IRAK1BP1: variants seen among roughly 807,000 people sequenced by gnomAD.
The protein encoded by IRAK1BP1 is interleukin 1 receptor associated kinase 1 binding protein 1.
In IRAK1BP1, 24 loss-of-function variants were observed where a neutral mutation model predicts 28.0. The observed-to-expected ratio is 0.86, with a 90% CI of 0.62 to 1.20. IRAK1BP1 has a LOEUF of 1.20. Among genes scored for constraint, IRAK1BP1 ranks in the 50% most tolerant of loss-of-function variants. IRAK1BP1 has a pLI of 0.00. For missense variants in IRAK1BP1, 336 were observed against 316.7 expected (o/e 1.06, Z -0.46); for synonymous variants, 131 against 116.3 (o/e 1.13, Z -0.81).
At chr6:78,960,649 A>G in the IRAK1BP1 span, among the ~76,000 whole-genome samples, 1 of 152,036 alleles carries the variant, frequency 6.6e-6, no homozygotes, top group Admixed American at 6.6e-5. Flanking sequence ...AAAGTCTAAT[A>G]TATTAGTTTT....
At chr6:78,948,364 T>C (rs972209358), downstream of IRAK1BP1, among the ~76,000 whole-genome samples, 9 of 151,988 alleles carry the variant, frequency 5.9e-5, no homozygotes, top group African/African-American at 2.2e-4. Context: ...GAGTATAAAA[T>C]TAGGTAACAG....
At chr6:78,948,885 T>TA (rs1190197833), downstream of IRAK1BP1, among the ~76,000 whole-genome samples, 1 of 152,244 alleles carries the variant, frequency 6.6e-6, no homozygotes, top group Non-Finnish European at 1.5e-5. Context: ...TATGATCAAA[T>TA]ACGTCTGACC....
intron 4 of IRAK1BP1, chr6:78,940,629 A>T (rs1245641691): frequency 6.8e-5 from 52 of 761,764 alleles, no homozygotes; most frequent in Non-Finnish European, 9.4e-5. Flanking sequence ...CAGAAGCCTT[A>T]GTTCTACTTA....
intron 4 of IRAK1BP1, among the ~76,000 whole-genome samples, chr6:78,928,991 G>A (rs567943869): frequency 6.6e-6 from 1 of 152,072 alleles, no homozygotes; most frequent in Non-Finnish European, 1.5e-5. Flanking sequence ...ATGTGTTTTT[G>A]TCTGGTTTTG....
chr6:78,975,117 A>G, the IRAK1BP1 span, among the ~76,000 whole-genome samples: 3 of 151,870 alleles, frequency 2.0e-5, no homozygotes, highest in Admixed American at 2.0e-4. Flanking sequence ...TGATGCAAAA[A>G]TCCTCAATAA....
At chr6:78,911,309 C>T (rs1772412529) in intron 4 of IRAK1BP1, among the ~76,000 whole-genome samples, 1 of 152,122 alleles carries the variant, frequency 6.6e-6, no homozygotes, top group African/African-American at 2.4e-5. Context: ...TTTGGTGTCT[C>T]CTGATGGTCA....
Position 78,918,364 on chromosome 6 carries a change from C to T in IRAK1BP1, c.*67+15254C>T, listed in dbSNP as rs570381951. On this transcript the variant is annotated intron_variant and NMD_transcript_variant, in intron 4 of 4. Transcript: ENST00000606868. ...CACGTATCAATATTAACCCTGAATGCAAATGGTCTAAATGCCCCACTTAAG... is the reference window on the plus strand; with the variant it reads ...CACGTATCAATATTAACCCTGAATGTAAATGGTCTAAATGCCCCACTTAAG... Among the ~76,000 whole-genome samples, 5 of 151,900 alleles carry T rather than the reference C, an allele frequency of 3.3e-5. No homozygotes were observed. The East Asian group carries it at 9.7e-4, about 29-fold the overall frequency.
chr6:78,892,080 G>A (rs1189299172), intron 2 of IRAK1BP1, among the ~76,000 whole-genome samples: 2 of 152,116 alleles, frequency 1.3e-5, no homozygotes, highest in Non-Finnish European at 2.9e-5. Flanking sequence ...GTGTACCTCT[G>A]TAAGAAGAAA....
chr6:78,908,444 A>T (rs548741455), intron 4 of IRAK1BP1, among the ~76,000 whole-genome samples: 11 of 152,202 alleles, frequency 7.2e-5, no homozygotes, highest in African/African-American at 2.4e-4. Flanking sequence ...TGAACACCAG[A>T]CTCAAGTGAT....
At chr6:78,928,920 C>T (rs549958430) in intron 4 of IRAK1BP1, among the ~76,000 whole-genome samples, 1 of 152,114 alleles carries the variant, frequency 6.6e-6, no homozygotes, top group South Asian at 2.1e-4. Context: ...TGCAAGTATT[C>T]GTTGAGGATT....
chr6:78,888,236 T>G (rs1771499553), intron 2 of IRAK1BP1, among the ~76,000 whole-genome samples: 1 of 152,154 alleles, frequency 6.6e-6, no homozygotes, highest in Non-Finnish European at 1.5e-5. Flanking sequence ...GGTATAAAGT[T>G]ACAGTTATGC....
chr6:78,972,647 G>A, the IRAK1BP1 span, among the ~76,000 whole-genome samples: 1 of 152,158 alleles, frequency 6.6e-6, no homozygotes, highest in Non-Finnish European at 1.5e-5. Flanking sequence ...TTAGAAGAAT[G>A]TGTAACTAGA....
chr6:78,893,316 A>ATATATATATATATATATT (rs1771744272), intron 2 of IRAK1BP1, among the ~76,000 whole-genome samples: 2 of 34,590 alleles, frequency 5.8e-5, no homozygotes, highest in Non-Finnish European at 1.2e-4. Flanking sequence ...GTGTGTGTGT[A>ATATATATATATATATATT]TATATATATA....
intron 4 of IRAK1BP1, chr6:78,941,168 T>C: frequency 6.2e-7 from 1 of 1,614,128 alleles, no homozygotes; most frequent in Non-Finnish European, 8.5e-7. Context: ...CTGTAGCTTT[T>C]TGGGCTTTCT....
the IRAK1BP1 span, among the ~76,000 whole-genome samples, chr6:78,968,438 TATTAGTGGG>T: frequency 1.3e-5 from 2 of 152,080 alleles, no homozygotes; most frequent in Non-Finnish European, 2.9e-5. Context: ...GAAAATACAG[TATTAGTGGG>T]ATGTGAAATC....
At chr6:78,868,226 T>G (rs552183040) in intron 1 of IRAK1BP1, among the ~76,000 whole-genome samples, 1 of 152,378 alleles carries the variant, frequency 6.6e-6, no homozygotes, top group Non-Finnish European at 1.5e-5. Context: ...TAGTTGTAAA[T>G]ACTTGCCCAC....
At position 78,902,630 on chromosome 6, in the gene IRAK1BP1, G is replaced by T. The variant is rs990462859; in HGVS notation, c.*4296G>T. 8 of 177,302 alleles carry T rather than the reference G, an allele frequency of 4.5e-5. No individual in the cohort carries two copies. The highest frequency in any genetic ancestry group is 7.1e-5 in the African/African-American group (3 of 42,474). 11.0% of individuals were successfully genotyped at this position (177,302 alleles called of 1,614,324 possible). A position where few individuals can be genotyped will look rare whatever the true frequency, so the allele number is the denominator to read the frequency against. On this transcript the variant is annotated 3_prime_UTR_variant, in exon 4 of 4. Transcript: ENST00000369940. ...TTCTAAAAATACAGAAGTTACTCAG[G>T]CGTGGTGGCGTGTGACTGTAATCTC...
At chr6:78,931,457 G>C (rs1407689967) in intron 4 of IRAK1BP1, among the ~76,000 whole-genome samples, 1 of 152,012 alleles carries the variant, frequency 6.6e-6, no homozygotes, top group African/African-American at 2.4e-5. Context: ...AAATTATCTT[G>C]GAGATTTCTC....
At chr6:78,897,589 C>T (rs1295418845) in intron 2 of IRAK1BP1, among the ~76,000 whole-genome samples, 1 of 152,040 alleles carries the variant, frequency 6.6e-6, no homozygotes, top group African/African-American at 2.4e-5. Context: ...TTAAAAATCC[C>T]TGGTTTAAAA....
Sources: allele counts gnomAD v4.1 joint callset (sites outside exome capture counted in the v4.1 genomes callset), GRCh38; gene constraint gnomAD v4.1.1; transcripts MANE v1.5; gene names NCBI Gene and HGNC (gene_info 2026-07-23, HGNC 2026-07-21).